The following GPR157 variants were observed in gnomAD, a reference collection of about 807,000 sequenced individuals.
GPR157 encodes the protein G-protein coupled receptor 157.
A neutral mutation model predicts 23.5 loss-of-function variants in GPR157; 16 were observed. That is an observed-to-expected ratio of 0.68 (90% CI 0.46 to 1.04). The LOEUF is 1.04. Among genes scored for constraint, GPR157 ranks in the 50% least tolerant of loss-of-function variants. The pLI is 0.00. For missense variants in GPR157, 440 were observed against 460.7 expected (o/e 0.96, Z 0.41); for synonymous variants, 200 against 221.5 (o/e 0.90, Z 0.86).
In GPR157 at chr1:9,105,510, C is replaced by G. The variant is rs1476655370; in HGVS notation, c.768G>C (p.Gln256His). Residue 256 changes from glutamine to histidine, a missense_variant, in exon 3 of 4, where the codon CAG becomes CAC. By Grantham distance (24) the Gln-to-His change is conservative. Coordinates refer to ENST00000377411, the MANE Select transcript of GPR157 (RefSeq NM_024980.5). The surrounding 1 kb of genome is among the most constrained non-coding windows in gnomAD (Gnocchi z 4.8). ...CATGCAGAACCACCAGCACCGGCGT[C>G]TGCACGGCCGGGGAGCCACAGAGGG... ...VLTLCGSPAVQTPVLVVLHGI... is the reference protein window; with the variant it reads ...VLTLCGSPAVHTPVLVVLHGI... 4 of 1,580,476 alleles carry G rather than the reference C, an allele frequency of 2.5e-6. No homozygotes were observed. The Admixed American group carries it at 5.6e-5, about 22-fold the overall frequency.
intron 2 of GPR157, among the ~76,000 whole-genome samples, chr1:9,108,228 A>C (rs535181483): frequency 5.8e-4 from 88 of 151,992 alleles, no homozygotes; most frequent in African/African-American, 2.1e-3. Context: ...TCAGCCCCCA[A>C]TCTTCTGCAA....
chr1:9,105,019 G>C lies in GPR157; in HGVS notation c.793-385C>G, dbSNP rs1408258262. Among the ~76,000 whole-genome samples the C allele has an allele frequency of 8.4e-6, 1 of 119,578 alleles. No homozygotes were observed. Among genetic ancestry groups the C allele is most frequent in the African/African-American group, 3.3e-5 (1 of 30,616 alleles). 78.4% of individuals were successfully genotyped at this position (119,578 alleles called of 152,430 possible). ...TGTCCCCGCACCCCCCCCCAAAAAAGAGAAATGGCTGAGAAACACACACAC... is the reference window on the plus strand; with the variant it reads ...TGTCCCCGCACCCCCCCCCAAAAAACAGAAATGGCTGAGAAACACACACAC... On this transcript the variant is annotated intron_variant, in intron 3 of 3. Transcript: ENST00000377411. This position sits in a 1 kb window ranked among gnomAD's most constrained non-coding sequence, Gnocchi z 4.8.
At chr1:9,109,078 AATTTTTTT>A (rs1638418867) in intron 2 of GPR157, among the ~76,000 whole-genome samples, 1 of 138,096 alleles carries the variant, frequency 7.2e-6, no homozygotes, top group South Asian at 2.3e-4. Flanking sequence ...ACCCGGCCCT[AATTTTTTT>A]TTTTTTTTTT....
chr1:9,125,002 C>A (rs188570591), intron 1 of GPR157, among the ~76,000 whole-genome samples: 6 of 152,086 alleles, frequency 3.9e-5, no homozygotes, highest in Non-Finnish European at 5.9e-5. Flanking sequence ...GTTGGCACCG[C>A]GGGCGACCCC....
rs1642585673 is a variant in GPR157 at position 9,103,101 on chromosome 1, TTTTA to T, written c.*1314_*1317del. 1.3e-5 allele frequency: 1 copy of T among 75,832 alleles called. No individual in the cohort carries two copies. The highest frequency in any genetic ancestry group is 1.4e-4 in the Admixed American group (1 of 6,940). The allele number at this position is 75,832 out of a possible 1,614,324, so 4.7% of individuals were successfully genotyped here. ...TCCGGGCGACAGAATGAGGCTCCTT[TTTTA>T]AAAAAAAAAAAAAAAAAAAACTGAC... is the stretch of plus-strand genomic sequence containing the variant. On this transcript the variant is annotated 3_prime_UTR_variant, in exon 4 of 4. Transcript: ENST00000377411.
chr1:9,123,398 TA>T (rs1251061622), intron 1 of GPR157, among the ~76,000 whole-genome samples: 1 of 106,570 alleles, frequency 9.4e-6, no homozygotes, highest in Non-Finnish European at 1.7e-5. Flanking sequence ...AATTTAAATA[TA>T]TATTTAATTT....
In GPR157 at chr1:9,103,517, C is replaced by G. The variant is rs1390113974; in HGVS notation, c.*902G>C. The G allele has an allele frequency of 6.6e-6, 1 of 152,226 alleles. No individual in the cohort carries two copies. The highest frequency in any genetic ancestry group is 2.4e-5 in the African/African-American group (1 of 41,436). The allele number at this position is 152,226 out of a possible 1,614,324, so 9.4% of individuals were successfully genotyped here. A position where few individuals can be genotyped will look rare whatever the true frequency, so the allele number is the denominator to read the frequency against. On this transcript the variant is annotated 3_prime_UTR_variant, in exon 4 of 4. Transcript: ENST00000377411. ...CTCCGGCCACTTTACTTACAAAAAA[C>G]TAAACTAAGAAGTAAATAAGCCAGA... is the stretch of plus-strand genomic sequence containing the variant.
chr1:9,111,105 C>A (rs115942415), intron 2 of GPR157, 171 bp downstream of exon 2: 5 of 675,738 alleles, frequency 7.4e-6, no homozygotes, highest in East Asian at 2.7e-5. Context: ...TGTAACACAG[C>A]GTGTTGCATG....
rs1638783904 is a variant in GPR157 at position 9,120,903 on chromosome 1, CAGG to C, written c.383+7739_383+7741del. 6.6e-6 allele frequency among the ~76,000 whole-genome samples: 1 copy of C among 152,212 alleles called. No individual in the cohort carries two copies. The highest frequency in any genetic ancestry group is 2.1e-4 in the South Asian group (1 of 4,836). On this transcript the variant is annotated intron_variant, in intron 1 of 3. Coordinates refer to ENST00000377411, the MANE Select transcript of GPR157 (RefSeq NM_024980.5). This position sits in a 1 kb window ranked among gnomAD's most constrained non-coding sequence, Gnocchi z 4.1. ...AAACCAGTTCAATGATTGATATTTT[CAGG>C]AGTAGTGGCCGACATGGGGTACTAT...
intron 1 of GPR157, among the ~76,000 whole-genome samples, chr1:9,123,377 T>A (rs1290148494): frequency 4.2e-5 from 1 of 23,754 alleles, no homozygotes; most frequent in African/African-American, 1.4e-4. Flanking sequence ...TTAAATTAAA[T>A]ATATATATTT....
intron 1 of GPR157, among the ~76,000 whole-genome samples, chr1:9,126,734 T>C (rs1336402961): frequency 2.0e-5 from 3 of 152,178 alleles, no homozygotes; most frequent in African/African-American, 7.2e-5. Context: ...CCAATTCCCT[T>C]AGACTAGCGA....
intron 2 of GPR157, among the ~76,000 whole-genome samples, chr1:9,110,359 C>T (rs533509535): frequency 6.6e-6 from 1 of 152,234 alleles, no homozygotes; most frequent in African/African-American, 2.4e-5. Context: ...CCTGCCTCTA[C>T]TAAAAGAACA....
chr1:9,102,654 C>G lies in GPR157; in HGVS notation c.*1765G>C, dbSNP rs1642580625. On this transcript the variant is annotated 3_prime_UTR_variant, in exon 4 of 4. Coordinates refer to ENST00000377411, the MANE Select transcript of GPR157 (RefSeq NM_024980.5). The stretch of plus-strand genomic sequence containing the variant: ...ATGGATTCCAAGGGAAATCACCTAT[C>G]AGGTAAAGCTGTACTTTCTCTCACC... 1 of 152,078 alleles carries G rather than the reference C, an allele frequency of 6.6e-6. No individual in the cohort carries two copies. Among genetic ancestry groups the G allele is most frequent in the Non-Finnish European group, 1.5e-5 (1 of 68,018 alleles). 9.4% of individuals were successfully genotyped at this position (152,078 alleles called of 1,614,324 possible).
At chr1:9,110,691 A>G (rs1418097763) in intron 2 of GPR157, among the ~76,000 whole-genome samples, 2 of 152,212 alleles carry the variant, frequency 1.3e-5, no homozygotes, top group East Asian at 1.9e-4. Context: ...AACTGGGCCA[A>G]GGTGTCAGAG....
chr1:9,104,613 C>T lies in GPR157; in HGVS notation c.814G>A (p.Gly272Arg), dbSNP rs1356213226. The change falls in exon 4 of 4, where the codon GGA (glycine) becomes AGA (arginine). Residue 272 changes from glycine to arginine, a missense_variant. Physicochemically the swap from Gly to Arg is moderately radical, Grantham distance 125. Coordinates refer to ENST00000377411, the MANE Select transcript of GPR157 (RefSeq NM_024980.5). ...ACGAACATGATGCAGTTGGCACCTC[C>T]CTGAAACGTGTTCCCGATACCCTGT... ...VLHGIGNTFQ[G>R]GANCIMFVLC... The T allele has an allele frequency of 1.2e-6, 2 of 1,608,608 alleles. No homozygotes were observed. Among genetic ancestry groups the T allele is most frequent in the Non-Finnish European group, 1.7e-6 (2 of 1,177,036 alleles).
In GPR157 at chr1:9,102,507, T is replaced by G. The variant is rs1338467846; in HGVS notation, c.*1912A>C. ...TTGGACTCAGTCTGCTAAATGATTA[T>G]TCCTTTCCTGATACAGATTTTGGTT... On this transcript the variant is annotated 3_prime_UTR_variant, in exon 4 of 4. Transcript: ENST00000377411. The G allele has an allele frequency of 6.6e-6, 1 of 152,126 alleles. No individual in the cohort carries two copies. The highest frequency in any genetic ancestry group is 1.5e-5 in the Non-Finnish European group (1 of 68,026). 9.4% of individuals were successfully genotyped at this position (152,126 alleles called of 1,614,324 possible).
chr1:9,123,318 A>T (rs1235029490), intron 1 of GPR157, among the ~76,000 whole-genome samples: 18 of 23,822 alleles, frequency 7.6e-4, no homozygotes, highest in Admixed American at 1.6e-3. Context: ...AATATATATT[A>T]AAATATATAT....
chr1:9,112,654 T>C (rs1638538926), intron 1 of GPR157, among the ~76,000 whole-genome samples: 1 of 152,122 alleles, frequency 6.6e-6, no homozygotes, highest in Non-Finnish European at 1.5e-5. Flanking sequence ...GGTTTCACCA[T>C]GTTGGCCAGC....
intron 1 of GPR157, among the ~76,000 whole-genome samples, chr1:9,114,974 A>T (rs1004153523): frequency 1.4e-5 from 2 of 147,916 alleles, no homozygotes; most frequent in African/African-American, 5.0e-5. Context: ...ATCAACAGGG[A>T]GGGGTTGTTT....
Sources: gnomAD v4.1 joint callset for allele counts (sites outside exome capture counted in the v4.1 genomes callset) on GRCh38, gnomAD v4.1.1 for gene constraint, Gnocchi (gnomAD v3.1) non-coding constraint, MANE v1.5 for transcripts, NCBI Gene and HGNC (gene_info 2026-07-23, HGNC 2026-07-21) for gene names.